TRAF1: variants seen among roughly 807,000 people sequenced by gnomAD.
TRAF1 encodes TNF receptor-associated factor 1.
Under a neutral mutation model 40.9 loss-of-function variants are expected in TRAF1, and 23 were observed. The observed-to-expected ratio is 0.56, with a 90% CI of 0.40 to 0.80. The LOEUF (loss-of-function observed/expected upper bound fraction) is 0.80. TRAF1 is among the 30% of genes least tolerant of loss of function. The pLI is 0.00. For synonymous variants in TRAF1, 206 were observed against 218.8 expected (o/e 0.94, Z 0.52); for missense variants, 477 against 528.7 (o/e 0.90, Z 0.96).
chr9:120,907,216 CAT>C (rs2046490068), intron 7 of TRAF1, among the ~76,000 whole-genome samples: 1 of 152,214 alleles, frequency 6.6e-6, no homozygotes, highest in Admixed American at 6.5e-5. Context: ...GCATTCAGAA[CAT>C]AGTCTTTTCA....
chr9:120,914,499 G>A (rs770885856), intron 3 of TRAF1, 199 bp from the exon 4 acceptor site: 143 of 1,206,108 alleles, frequency 1.2e-4, no homozygotes, highest in Non-Finnish European at 1.4e-4. Flanking sequence ...ACAGGACCTG[G>A]GCCCTTACTG....
chr9:120,909,758 C>T (rs552051509), intron 6 of TRAF1, among the ~76,000 whole-genome samples: 7 of 152,348 alleles, frequency 4.6e-5, no homozygotes, highest in Admixed American at 3.9e-4. Flanking sequence ...GGAAACCAAG[C>T]TGAGAAAAAC....
chr9:120,905,940 C>T (rs931069709), intron 7 of TRAF1, among the ~76,000 whole-genome samples: 8 of 152,176 alleles, frequency 5.3e-5, no homozygotes, highest in African/African-American at 1.9e-4. Flanking sequence ...TTATCACTTA[C>T]GGGGGTGAGA....
intron 3 of TRAF1, among the ~76,000 whole-genome samples, chr9:120,921,299 C>T (rs1299501669): frequency 6.6e-6 from 1 of 151,826 alleles, no homozygotes; most frequent in Non-Finnish European, 1.5e-5. Context: ...CTCTTAGGGG[C>T]TCGGATAGGA....
Position 120,913,460 on chromosome 9 carries a change from C to T in TRAF1, c.573G>A (p.Glu191=), listed in dbSNP as rs375887197. The T allele has an allele frequency of 2.5e-6, 4 of 1,613,910 alleles. No individual in the cohort carries two copies. The highest frequency in any genetic ancestry group is 3.4e-6 in the Non-Finnish European group (4 of 1,180,024). ...TGTTCTCAAACACACGCAGCTTCCC[C>T]TCCAGCTCAGCCAGAAGCTTCTCCT... ...FMKEKLLAEL[E]GKLRVFENIV... Residue 191 remains glutamate, a synonymous_variant, in exon 5 of 8, where the codon GAG becomes GAA. Transcript: ENST00000373887.
In TRAF1 at chr9:120,913,434, A is replaced by G. The variant is rs1343229525; in HGVS notation, c.599T>C (p.Ile200Thr). 6.2e-7 allele frequency: 1 copy of G among 1,613,952 alleles called. No homozygotes were observed. The highest frequency in any genetic ancestry group is 1.1e-5 in the South Asian group (1 of 91,074). The change falls in exon 5 of 8, where the codon ATT (isoleucine) becomes ACT (threonine). Residue 200 changes from isoleucine (I) to threonine (T), a missense_variant. Physicochemically the swap from Ile to Thr is moderately conservative, Grantham distance 89. Coordinates refer to ENST00000373887, the MANE Select transcript of TRAF1 (RefSeq NM_005658.5). ...CACCTCCTTGTTGAGGACAGCAACA[A>G]TGTTCTCAAACACACGCAGCTTCCC... ...LEGKLRVFEN[I>T]VAVLNKEVEA...
At chr9:120,922,531 T>C (rs1272688713) in intron 3 of TRAF1, among the ~76,000 whole-genome samples, 8 of 152,208 alleles carry the variant, frequency 5.3e-5, no homozygotes, top group Admixed American at 4.6e-4. Context: ...GAGCAGGACA[T>C]GTAACCTATG....
At chr9:120,919,096 G>A (rs544436075) in intron 3 of TRAF1, among the ~76,000 whole-genome samples, 101 of 152,312 alleles carry the variant, frequency 6.6e-4, no homozygotes, top group African/African-American at 2.2e-3. Context: ...AGGGACCGAG[G>A]GGACAGGAGA....
chr9:120,926,269 G>T lies in TRAF1; in HGVS notation c.-194C>A. On this transcript the variant is annotated 5_prime_UTR_variant, in exon 2 of 8. Coordinates refer to ENST00000373887, the MANE Select transcript of TRAF1 (RefSeq NM_005658.5). Reference sequence around the variant, plus strand: ...GGATGGAGCAGGAATTACCCTTTGTGGCGATAAAAATCCCCTGGATGGTGA... The same window carrying T: ...GGATGGAGCAGGAATTACCCTTTGTTGCGATAAAAATCCCCTGGATGGTGA... 1.9e-6 allele frequency: 1 copy of T among 522,494 alleles called. No individual in the cohort carries two copies. Among genetic ancestry groups the T allele is most frequent in the South Asian group, 4.5e-5 (1 of 22,148 alleles). 32.4% of individuals were successfully genotyped at this position (522,494 alleles called of 1,614,324 possible).
At chr9:120,907,270 C>T (rs1433580856) in intron 7 of TRAF1, among the ~76,000 whole-genome samples, 1 of 152,194 alleles carries the variant, frequency 6.6e-6, no homozygotes, top group Non-Finnish European at 1.5e-5. Flanking sequence ...TAAGTTTCCT[C>T]CCTGTATTTT....
Position 120,923,744 on chromosome 9 carries a change from C to G in TRAF1, c.189G>C (p.Gln63His), listed in dbSNP as rs1423725726. ...ICPKCRGEDL[Q>H]SISPGSRLRT... is the part of the protein sequence containing the mutation. ...GAAGACGGCTTCCTGGGCTTATAGA[C>G]TGGAGGTCTTCCCCTCTGCATTTGG... The change falls in exon 3 of 8, where the codon CAG (glutamine) becomes CAC (histidine). Residue 63 changes from glutamine to histidine, a missense_variant. Transcript: ENST00000373887. 1.2e-6 allele frequency: 2 copies of G among 1,614,048 alleles called. No individual in the cohort carries two copies. The highest frequency in any genetic ancestry group is 1.7e-6 in the Non-Finnish European group (2 of 1,180,032).
intron 3 of TRAF1, among the ~76,000 whole-genome samples, chr9:120,919,728 G>A (rs2046592992): frequency 6.6e-6 from 1 of 152,222 alleles, no homozygotes; most frequent in South Asian, 2.1e-4. Context: ...ACCTCCTCCA[G>A]GAAGCCCTGC....
At chr9:120,924,584 C>T (rs7033753) in intron 2 of TRAF1, among the ~76,000 whole-genome samples, 100,706 of 151,854 alleles carry the variant, frequency 0.66, 33,541 homozygotes, top group South Asian at 0.82. Context: ...CCAGCTAATT[C>T]TTGTATTTTT....
intron 3 of TRAF1, among the ~76,000 whole-genome samples, chr9:120,920,484 T>C (rs1332876859): frequency 1.3e-5 from 2 of 152,010 alleles, no homozygotes; most frequent in East Asian, 3.9e-4. Context: ...CTGGCATCAG[T>C]TGTCAGCTTG....
At chr9:120,917,249 T>C (rs2046575544) in intron 3 of TRAF1, among the ~76,000 whole-genome samples, 2 of 152,138 alleles carry the variant, frequency 1.3e-5, no homozygotes. Flanking sequence ...CTTGAGAGGC[T>C]TTCAGAGGCT....
At chr9:120,910,267 G>C (rs564776863) in intron 6 of TRAF1, among the ~76,000 whole-genome samples, 1 of 152,172 alleles carries the variant, frequency 6.6e-6, no homozygotes, top group East Asian at 1.9e-4. Context: ...AAAGAATTGA[G>C]GGAAAAAGGT....
intron 2 of TRAF1, among the ~76,000 whole-genome samples, chr9:120,925,619 C>A (rs764869797): frequency 1.4e-4 from 21 of 152,212 alleles, no homozygotes; most frequent in Non-Finnish European, 2.8e-4. Context: ...AACAGCTTTA[C>A]AGACAAGCGA....
rs139324611 is a variant in TRAF1 at position 120,916,341 on chromosome 9, G to A, written c.229-2041C>T. On this transcript the variant is annotated intron_variant, in intron 3 of 7. Transcript: ENST00000373887. ...CAGGGACACAAAGCAGCTTTATCCC[G>A]TGCAGAAACATTTGCCATTTGACTG... Among the ~76,000 whole-genome samples, 74 of 152,270 alleles carry A rather than the reference G, an allele frequency of 4.9e-4. No individual in the cohort carries two copies. In the East Asian group the frequency reaches 0.013, roughly 26 times the overall value.
intron 6 of TRAF1, among the ~76,000 whole-genome samples, chr9:120,909,666 G>T (rs903193467): frequency 3.9e-5 from 6 of 152,220 alleles, no homozygotes; most frequent in African/African-American, 1.2e-4. Context: ...CTTCCAGCAA[G>T]TTTGCAGGGG....
Sources: gnomAD v4.1 joint callset for allele counts (sites outside exome capture counted in the v4.1 genomes callset) on GRCh38, gnomAD v4.1.1 for gene constraint, MANE v1.5 for transcripts, NCBI Gene and HGNC (gene_info 2026-07-23, HGNC 2026-07-21) for gene names.